Variants in ZNF141 observed in about 807,000 individuals in gnomAD.
ZNF141 encodes the protein zinc finger protein 141.
ZNF141 carries 7 observed loss-of-function variants against 11.3 expected under a neutral mutation model. The ratio of observed to expected loss-of-function variants is 0.62; its 90% CI spans 0.35 to 1.16. ZNF141 has a LOEUF of 1.16. ZNF141 is among the 50% of genes most tolerant of loss of function. ZNF141 has a pLI of 0.02. For synonymous variants in ZNF141, 183 were observed against 190.7 expected, an observed-to-expected ratio of 0.96 and a Z score of 0.33; for missense variants, 535 against 554.0, an observed-to-expected ratio of 0.97 and a Z score of 0.34.
At chr4:354,214 A>T (rs1721743488) in intron 3 of ZNF141, among the ~76,000 whole-genome samples, 1 of 152,136 alleles carries the variant, frequency 6.6e-6, no homozygotes, top group African/African-American at 2.4e-5. Context: ...TCCTTTTACC[A>T]ACTGTGCACT....
At position 384,143 on chromosome 4, in the gene ZNF141, A is replaced by G. The variant is rs1464508324; in HGVS notation, c.*10281A>G. 5 of 152,244 alleles carry G rather than the reference A, an allele frequency of 3.3e-5. No individual in the cohort carries two copies. The highest frequency in any genetic ancestry group is 2.0e-4 in the Admixed American group (3 of 15,282). The allele number at this position is 152,244 out of a possible 1,614,324, so 9.4% of individuals were successfully genotyped here. A position where few individuals can be genotyped will look rare whatever the true frequency, so the allele number is the denominator to read the frequency against. ...CACACAGTGCCCCATACCACAGGAGAAAAACACACAGTTCCAGCCTGGCAA... is the reference window on the plus strand; with the variant it reads ...CACACAGTGCCCCATACCACAGGAGGAAAACACACAGTTCCAGCCTGGCAA... On this transcript the variant is annotated 3_prime_UTR_variant, in exon 4 of 4. Transcript: ENST00000240499.
chr4:338,231 A>G (rs1452508512), intron 1 of ZNF141: 2 of 466,946 alleles, frequency 4.3e-6, no homozygotes, highest in Admixed American at 3.8e-5. Context: ...CTGTGGGGTG[A>G]GGAGTAGCTT....
chr4:374,389 G>T lies in ZNF141; in HGVS notation c.*527G>T. 2.8e-6 allele frequency: 1 copy of T among 357,848 alleles called. No individual in the cohort carries two copies. 22.2% of individuals were successfully genotyped at this position (357,848 alleles called of 1,614,324 possible). On this transcript the variant is annotated 3_prime_UTR_variant, in exon 4 of 4. Transcript: ENST00000240499. Reference sequence around the variant, plus strand: ...AAATGCTTCACATGCGAAGAATGTGGCACAGTCTTTACCACATCCTCAAAC... The same window carrying T: ...AAATGCTTCACATGCGAAGAATGTGTCACAGTCTTTACCACATCCTCAAAC...
At chr4:343,152 A>T (rs1340494264) in intron 1 of ZNF141, among the ~76,000 whole-genome samples, 1 of 152,178 alleles carries the variant, frequency 6.6e-6, no homozygotes, top group African/African-American at 2.4e-5. Flanking sequence ...GCCAGGGTGA[A>T]GCATGAGGGC....
chr4:360,713 A>C lies in ZNF141; in HGVS notation c.227-11951A>C, dbSNP rs527674666. On this transcript the variant is annotated intron_variant, in intron 3 of 3. Coordinates refer to ENST00000240499, the MANE Select transcript of ZNF141 (RefSeq NM_003441.4). ...CCAATAAAAATCATTGGAGCAAGTT[A>C]AAAAAATATACATAAATATATATGT... 3.9e-5 allele frequency among the ~76,000 whole-genome samples: 6 copies of C among 152,194 alleles called. No individual in the cohort carries two copies. The South Asian group carries it at 1.2e-3, about 32-fold the overall frequency.
At chr4:341,159 C>T (rs1721031917) in intron 1 of ZNF141, among the ~76,000 whole-genome samples, 1 of 152,044 alleles carries the variant, frequency 6.6e-6, no homozygotes, top group Non-Finnish European at 1.5e-5. Flanking sequence ...CCTCCGCCTC[C>T]CAGGTTCAAG....
In ZNF141 at chr4:382,189, G is replaced by A. The variant is rs1460790429; in HGVS notation, c.*8327G>A. Among the ~76,000 whole-genome samples the A allele has an allele frequency of 6.6e-6, 1 of 151,660 alleles. No individual in the cohort carries two copies. The highest frequency in any genetic ancestry group is 2.1e-4 in the South Asian group (1 of 4,808). ...TCTTGATTTCCTGACCTCGTGATCC[G>A]CCTGCCTCAGCCTACCAAAGTGCTG... On this transcript the variant is annotated 3_prime_UTR_variant, in exon 4 of 4. Transcript: ENST00000240499.
chr4:346,684 T>C (rs538019696), intron 3 of ZNF141, among the ~76,000 whole-genome samples: 2 of 152,312 alleles, frequency 1.3e-5, no homozygotes, highest in East Asian at 3.9e-4. Flanking sequence ...GAGTTTACGC[T>C]TTTAGATTTC....
At chr4:347,537 C>T (rs909932794) in intron 3 of ZNF141, among the ~76,000 whole-genome samples, 6 of 151,724 alleles carry the variant, frequency 4.0e-5, no homozygotes, top group South Asian at 2.1e-4. Flanking sequence ...GACAGGGTTT[C>T]GCTGTGTTAG....
rs373224939 is a variant in ZNF141 at position 346,893 on chromosome 4, A to ACACCCCCCCCCC, written c.226+2464_226+2465insACCCCCCCCCCC. Among the ~76,000 whole-genome samples the ACACCCCCCCCCC allele has an allele frequency of 6.6e-5, 9 of 135,432 alleles. 1 individual carries two copies. The highest frequency in any genetic ancestry group is 1.4e-4 in the Non-Finnish European group (9 of 65,050). The allele number at this position is 135,432 out of a possible 152,430, so 88.8% of individuals were successfully genotyped here. On this transcript the variant is annotated intron_variant, in intron 3 of 3. Coordinates refer to ENST00000240499, the MANE Select transcript of ZNF141 (RefSeq NM_003441.4). The stretch of plus-strand genomic sequence containing the variant: ...TATATATGTATACACACACACACAC[A>ACACCCCCCCCCC]CCGCCCCCCCCATATATTGGCTACT...
chr4:374,622 T>C lies in ZNF141; in HGVS notation c.*760T>C, dbSNP rs1712272260. On this transcript the variant is annotated 3_prime_UTR_variant, in exon 4 of 4. Coordinates refer to ENST00000240499, the MANE Select transcript of ZNF141 (RefSeq NM_003441.4). ...TCATATTTGAGAGTAGAAGATTCATTCCACAAACTTACATTGAGAAGATAT... is the reference window on the plus strand; with the variant it reads ...TCATATTTGAGAGTAGAAGATTCATCCCACAAACTTACATTGAGAAGATAT... 6.4e-6 allele frequency: 1 copy of C among 157,264 alleles called. No homozygotes were observed. Among genetic ancestry groups the C allele is most frequent in the Non-Finnish European group, 1.4e-5 (1 of 70,962 alleles). 9.7% of individuals were successfully genotyped at this position (157,264 alleles called of 1,614,324 possible). A position where few individuals can be genotyped will look rare whatever the true frequency, so the allele number is the denominator to read the frequency against.
At position 382,461 on chromosome 4, in the gene ZNF141, A is replaced by G. The variant is rs565254078; in HGVS notation, c.*8599A>G. Among the ~76,000 whole-genome samples, 52 of 152,332 alleles carry G rather than the reference A, an allele frequency of 3.4e-4. No homozygotes were observed. Among genetic ancestry groups the G allele is most frequent in the African/African-American group, 1.2e-3 (49 of 41,584 alleles). On this transcript the variant is annotated 3_prime_UTR_variant, in exon 4 of 4. Transcript: ENST00000240499. ...TAATTTGACTTTGTCTATATTAAAA[A>G]TCATAAATAGTCAACAAATGCAAAA...
At position 367,772 on chromosome 4, in the gene ZNF141, C is replaced by T. The variant is rs151262820; in HGVS notation, c.227-4892C>T. Among the ~76,000 whole-genome samples the T allele has an allele frequency of 3.0e-4, 45 of 152,198 alleles. No individual in the cohort carries two copies. In the East Asian group the frequency reaches 6.6e-3, roughly 22 times the overall value. On this transcript the variant is annotated intron_variant, in intron 3 of 3. Coordinates refer to ENST00000240499, the MANE Select transcript of ZNF141 (RefSeq NM_003441.4). ...CCTCATGATCTGTCCGCCACGGCCT[C>T]CCAACATGCTGAGATTACACCGCGC...
At position 373,422 on chromosome 4, in the gene ZNF141, C is replaced by T. The variant is rs370057966; in HGVS notation, c.985C>T (p.His329Tyr). Residue 329 changes from histidine (H) to tyrosine (Y), a missense_variant, in exon 4 of 4, where the codon CAT becomes TAT. Transcript: ENST00000240499. ...AFNRSTTLTKHKRIHTGEKPY... is the reference protein window; with the variant it reads ...AFNRSTTLTKYKRIHTGEKPY... ...TAATAGGTCCACAACCCTTACTAAA[C>T]ATAAGAGAATTCATACTGGAGAGAA... 1.2e-6 allele frequency: 2 copies of T among 1,613,924 alleles called. No homozygotes were observed. Among genetic ancestry groups the T allele is most frequent in the African/African-American group, 1.3e-5 (1 of 74,886 alleles).
rs782797268 is a variant in ZNF141 at position 340,258 on chromosome 4, TGTGCAGCAAAGTGCACGAA to T, written c.3+2287_3+2305del. Among the ~76,000 whole-genome samples, 107 of 152,386 alleles carry T rather than the reference TGTGCAGCAAAGTGCACGAA, an allele frequency of 7.0e-4. 1 individual carries two copies. The highest frequency in any genetic ancestry group is 1.2e-3 in the Non-Finnish European group (83 of 68,028). ...CAGGATTCCAGTCACAACCCACAGT[TGTGCAGCAAAGTGCACGAA>T]GTGCAGCAAAGTGCTCCCCAAAGCT... On this transcript the variant is annotated intron_variant, in intron 1 of 3. Transcript: ENST00000240499.
chr4:368,089 G>A (rs1454678106), intron 3 of ZNF141, among the ~76,000 whole-genome samples: 1 of 152,098 alleles, frequency 6.6e-6, no homozygotes, highest in Non-Finnish European at 1.5e-5. Flanking sequence ...GAGTCAGACT[G>A]CTTTATATAT....
intron 3 of ZNF141, among the ~76,000 whole-genome samples, chr4:362,160 G>A (rs1419767696): frequency 1.3e-5 from 2 of 152,102 alleles, no homozygotes; most frequent in African/African-American, 4.8e-5. Context: ...GTGTCTTTTG[G>A]TTGCCTAAAT....
At chr4:359,415 T>C (rs567063463) in intron 3 of ZNF141, among the ~76,000 whole-genome samples, 25 of 152,304 alleles carry the variant, frequency 1.6e-4, no homozygotes, top group African/African-American at 6.0e-4. Flanking sequence ...AACCTAGTCA[T>C]TGGACAGGTT....
At chr4:357,545 T>G (rs546579850) in intron 3 of ZNF141, among the ~76,000 whole-genome samples, 1 of 152,226 alleles carries the variant, frequency 6.6e-6, no homozygotes, top group African/African-American at 2.4e-5. Flanking sequence ...GAATGTCTAT[T>G]TTCCTTCCAA....
Sources: gnomAD v4.1 joint callset for allele counts (sites outside exome capture counted in the v4.1 genomes callset) on GRCh38, gnomAD v4.1.1 for gene constraint, MANE v1.5 for transcripts, NCBI Gene and HGNC (gene_info 2026-07-23, HGNC 2026-07-21) for gene names.